The following CD80 variants were observed in gnomAD, a reference collection of about 807,000 sequenced individuals.
The protein encoded by CD80 is T-lymphocyte activation antigen CD80.
CD80 carries 13 observed loss-of-function variants against 27.1 expected under a neutral mutation model. That is an observed-to-expected ratio of 0.48 (90% CI 0.31 to 0.76). The LOEUF (loss-of-function observed/expected upper bound fraction) is 0.76. Ranked by LOEUF, CD80 falls within the 30% of genes least tolerant of loss-of-function variation. CD80 has a pLI of 0.04. For synonymous variants in CD80, 125 were observed against 125.5 expected (o/e 1.00, Z 0.03); for missense variants, 277 against 347.9 (o/e 0.80, Z 1.62).
At chr3:119,528,923 CA>C (rs141948068) in intron 5 of CD80, among the ~76,000 whole-genome samples, 9 of 132,484 alleles carry the variant, frequency 6.8e-5, no homozygotes, top group Non-Finnish European at 6.4e-5. Context: ...GACTCCATCT[CA>C]AAAAAAAAAA....
intron 2 of CD80, among the ~76,000 whole-genome samples, chr3:119,557,406 C>T (rs552635803): frequency 1.3e-5 from 2 of 152,234 alleles, no homozygotes; most frequent in African/African-American, 4.8e-5. Flanking sequence ...TCCTTGAAGG[C>T]CTGGGTTCTT....
chr3:119,535,735 G>T (rs528611987), intron 4 of CD80, among the ~76,000 whole-genome samples: 1 of 152,168 alleles, frequency 6.6e-6, no homozygotes, highest in South Asian at 2.1e-4. Context: ...GGTTCAGAAT[G>T]AACCAGTAGT....
chr3:119,559,015 T>A (rs1420401935), intron 1 of CD80, among the ~76,000 whole-genome samples: 1 of 152,102 alleles, frequency 6.6e-6, no homozygotes, highest in Non-Finnish European at 1.5e-5. Context: ...TTAGACAGGA[T>A]TAGTTAAAAG....
intron 4 of CD80, among the ~76,000 whole-genome samples, chr3:119,531,367 ACT>A (rs2082110220): frequency 6.6e-6 from 1 of 152,008 alleles, no homozygotes; most frequent in Non-Finnish European, 1.5e-5. Flanking sequence ...GAGGCTGAAC[ACT>A]CTCTGGCTTG....
At chr3:119,540,669 A>AT in intron 3 of CD80, among the ~76,000 whole-genome samples, 1 of 152,216 alleles carries the variant, frequency 6.6e-6, no homozygotes, top group East Asian at 1.9e-4. Flanking sequence ...ATCCTAAATT[A>AT]TTAATATGAT....
At chr3:119,535,756 C>A (rs985383273) in intron 4 of CD80, among the ~76,000 whole-genome samples, 6 of 152,090 alleles carry the variant, frequency 3.9e-5, no homozygotes, top group African/African-American at 1.2e-4. Flanking sequence ...TCTTAAAAAG[C>A]ACATTCGCCC....
Position 119,534,320 on chromosome 3 carries a change from C to T in CD80, c.700+2817G>A, listed in dbSNP as rs572899330. On this transcript the variant is annotated intron_variant, in intron 4 of 6. Coordinates refer to ENST00000264246, the MANE Select transcript of CD80 (RefSeq NM_005191.4). ...CTGGGAGGCAGAGGTTGCAGTGAGC[C>T]GAGACCACACCATTGCACTCCAGCC... Among the ~76,000 whole-genome samples the T allele has an allele frequency of 1.6e-3, 234 of 147,690 alleles. 1 individual carries two copies. Among genetic ancestry groups the T allele is most frequent in the African/African-American group, 5.4e-3 (214 of 39,994 alleles).
intron 4 of CD80, among the ~76,000 whole-genome samples, chr3:119,531,071 C>T (rs2082107506): frequency 6.6e-6 from 1 of 152,256 alleles, no homozygotes; most frequent in South Asian, 2.1e-4. Context: ...TTACACCTTA[C>T]TGGGCATGAA....
In CD80 at chr3:119,557,687, A is replaced by G. The variant is rs773944473; in HGVS notation, c.42T>C (p.Cys14=). ...TRRQGTSPSK[C]PYLNFFQLLV... ...AGAGCTGAAAGAAATTGAGGTATGGACACTTGGATGGTGATGTTCCCTGCC... is the reference window on the plus strand; with the variant it reads ...AGAGCTGAAAGAAATTGAGGTATGGGCACTTGGATGGTGATGTTCCCTGCC... Residue 14 remains cysteine, a synonymous_variant, in exon 2 of 7, where the codon TGT becomes TGC. Transcript: ENST00000264246. The G allele has an allele frequency of 8.7e-6, 14 of 1,613,752 alleles. No individual in the cohort carries two copies. The South Asian group carries it at 1.4e-4, about 16-fold the overall frequency.
chr3:119,528,215 A>G (rs189921872), intron 5 of CD80, among the ~76,000 whole-genome samples: 245 of 152,288 alleles, frequency 1.6e-3, no homozygotes, highest in African/African-American at 5.7e-3. Flanking sequence ...GATAGTTGGT[A>G]TTAGAAACAT....
intron 4 of CD80, among the ~76,000 whole-genome samples, chr3:119,531,563 G>A (rs568593215): frequency 3.6e-4 from 55 of 152,346 alleles, no homozygotes; most frequent in African/African-American, 1.2e-3. Context: ...ACCACAGGCG[G>A]AGCTAGCAAG....
intron 5 of CD80, among the ~76,000 whole-genome samples, chr3:119,529,413 T>C (rs2082097423): frequency 6.6e-6 from 1 of 152,164 alleles, no homozygotes; most frequent in Non-Finnish European, 1.5e-5. Context: ...ATGGTGGCCA[T>C]GGAAGTTGGA....
intron 6 of CD80, among the ~76,000 whole-genome samples, 162 bp from the exon 7 acceptor site, chr3:119,525,911 TATA>T (rs994356947): frequency 6.7e-6 from 1 of 148,676 alleles, no homozygotes; most frequent in African/African-American, 2.4e-5. Flanking sequence ...ATATTTTAAA[TATA>T]AGATCTTAAT....
At chr3:119,539,400 A>C (rs552461367) in intron 3 of CD80, among the ~76,000 whole-genome samples, 118 of 151,588 alleles carry the variant, frequency 7.8e-4, no homozygotes, top group Non-Finnish European at 1.5e-3. Flanking sequence ...TTGCCAGACC[A>C]ATTAAATACC....
At chr3:119,530,150 A>G (rs2082102041) in intron 4 of CD80, among the ~76,000 whole-genome samples, 1 of 152,220 alleles carries the variant, frequency 6.6e-6, no homozygotes, top group Non-Finnish European at 1.5e-5. Context: ...AGTGAAAAAG[A>G]TACTTTGAAT....
At position 119,529,871 on chromosome 3, in the gene CD80, C is replaced by T; in HGVS notation, c.767G>A (p.Gly256Glu). Residue 256 changes from glycine (G) to glutamate (E), a missense_variant, in exon 5 of 7, where the codon GGA becomes GAA. Coordinates refer to ENST00000264246, the MANE Select transcript of CD80 (RefSeq NM_005191.4). ...SWAITLISVN[G>E]IFVICCLTYC... ...GGTCAGGCAGCATATCACAAAAATT[C>T]CATTTACTGAGATTAAGGTAATGGC... 6.2e-7 allele frequency: 1 copy of T among 1,613,448 alleles called. No individual in the cohort carries two copies. The highest frequency in any genetic ancestry group is 8.5e-7 in the Non-Finnish European group (1 of 1,179,436).
chr3:119,552,717 A>G (rs2082240651), intron 2 of CD80, among the ~76,000 whole-genome samples: 1 of 152,128 alleles, frequency 6.6e-6, no homozygotes, highest in Non-Finnish European at 1.5e-5. Context: ...ATATTATTTC[A>G]GAATATTATT....
Position 119,557,750 on chromosome 3 carries a change from A to G in CD80, c.-22T>C. ...CCATGGCTTCAGATGCTTAGGGTCAAAAGTGAAAGCCAACAATTTGGACCC... is the reference window on the plus strand; with the variant it reads ...CCATGGCTTCAGATGCTTAGGGTCAGAAGTGAAAGCCAACAATTTGGACCC... On this transcript the variant is annotated 5_prime_UTR_variant, in exon 2 of 7. Coordinates refer to ENST00000264246, the MANE Select transcript of CD80 (RefSeq NM_005191.4). 6.3e-7 allele frequency: 1 copy of G among 1,584,772 alleles called. No individual in the cohort carries two copies. The highest frequency in any genetic ancestry group is 8.6e-7 in the Non-Finnish European group (1 of 1,158,268).
chr3:119,527,869 T>C (rs1390240103), intron 5 of CD80, 28 bp from the exon 6 acceptor site: 2 of 1,590,448 alleles, frequency 1.3e-6, no homozygotes, highest in Admixed American at 1.7e-5. Flanking sequence ...ACAATAAAAA[T>C]GATAAGTAAG....
Sources: allele counts gnomAD v4.1 joint callset (sites outside exome capture counted in the v4.1 genomes callset), GRCh38; gene constraint gnomAD v4.1.1; transcripts MANE v1.5; gene names NCBI Gene and HGNC (gene_info 2026-07-23, HGNC 2026-07-21).